The following DACH1 variants were observed in gnomAD, a reference collection of about 807,000 sequenced individuals.
The protein encoded by DACH1 is dachshund family transcription factor 1, also known as dachshund homolog 1.
Under a neutral mutation model 54.2 loss-of-function variants are expected in DACH1, and 12 were observed. That is an observed-to-expected ratio of 0.22 (90% confidence interval 0.14 to 0.36). The LOEUF is 0.36. Among genes scored for constraint, DACH1 ranks in the 10% least tolerant of loss-of-function variants. DACH1 has a pLI of 1.00. For missense variants in DACH1, 805 were observed against 929.8 expected, an observed-to-expected ratio of 0.87 and a Z score of 1.75; for synonymous variants, 386 against 366.2, an observed-to-expected ratio of 1.05 and a Z score of -0.62.
chr13:71,691,534 C>G (rs1178220030), intron 1 of DACH1, among the ~76,000 whole-genome samples: 2 of 151,434 alleles, frequency 1.3e-5, no homozygotes, highest in Admixed American at 6.6e-5. Flanking sequence ...CCATGGCAAT[C>G]TGGCTTCAGA....
chr13:71,832,408 C>A (rs1241733682), intron 1 of DACH1, among the ~76,000 whole-genome samples: 1 of 151,730 alleles, frequency 6.6e-6, no homozygotes, highest in Non-Finnish European at 1.5e-5. Flanking sequence ...TGCATGGGGC[C>A]TGCATAAACA....
intron 1 of DACH1, among the ~76,000 whole-genome samples, chr13:71,823,659 T>C (rs1028918789): frequency 2.0e-5 from 3 of 151,928 alleles, no homozygotes; most frequent in African/African-American, 7.2e-5. Flanking sequence ...GTAGATAAAA[T>C]TTATCTGTTT....
At chr13:71,793,024 A>T (rs1181127669) in intron 1 of DACH1, among the ~76,000 whole-genome samples, 1 of 152,160 alleles carries the variant, frequency 6.6e-6, no homozygotes, top group East Asian at 1.9e-4. Flanking sequence ...AGCCTCTTTC[A>T]ATTCAACTAA....
chr13:71,736,068 G>T (rs1884102314), intron 1 of DACH1, among the ~76,000 whole-genome samples: 1 of 152,160 alleles, frequency 6.6e-6, no homozygotes, highest in African/African-American at 2.4e-5. Context: ...AGAGAGTATG[G>T]AAAATGCCAG....
chr13:71,573,061 T>C, intron 3 of DACH1, 49 bp from the exon 4 acceptor site: 1 of 1,536,346 alleles, frequency 6.5e-7, no homozygotes, highest in Non-Finnish European at 8.8e-7. Context: ...ACATAAATCA[T>C]TAAAAATTGA....
chr13:71,838,639 T>G (rs893864816), intron 1 of DACH1, among the ~76,000 whole-genome samples: 1 of 152,172 alleles, frequency 6.6e-6, no homozygotes, highest in African/African-American at 2.4e-5. Flanking sequence ...AAAAGCAATT[T>G]TGAAGCAATT....
chr13:71,679,878 A>C (rs577423488), intron 2 of DACH1, among the ~76,000 whole-genome samples: 3 of 146,890 alleles, frequency 2.0e-5, no homozygotes, highest in Non-Finnish European at 3.0e-5. Flanking sequence ...CCTACTCCAG[A>C]GGCTAAGGCA....
intron 1 of DACH1, among the ~76,000 whole-genome samples, chr13:71,714,423 T>C (rs1882877481): frequency 6.6e-6 from 1 of 152,098 alleles, no homozygotes; most frequent in African/African-American, 2.4e-5. Flanking sequence ...TACAAAATAG[T>C]AAGAATCCTT....
At chr13:71,654,020 T>G (rs568013533) in intron 2 of DACH1, among the ~76,000 whole-genome samples, 1 of 152,308 alleles carries the variant, frequency 6.6e-6, no homozygotes, top group South Asian at 2.1e-4. Context: ...TATGTATGGG[T>G]GTGTGTATAA....
At chr13:71,446,802 T>C (rs556802637) in intron 10 of DACH1, among the ~76,000 whole-genome samples, 17 of 152,340 alleles carry the variant, frequency 1.1e-4, no homozygotes, top group Middle Eastern at 3.4e-3. Context: ...AAAGCCTCAA[T>C]TGGTCAAACT....
At chr13:71,813,903 T>C (rs1437920267) in intron 1 of DACH1, among the ~76,000 whole-genome samples, 1 of 152,142 alleles carries the variant, frequency 6.6e-6, no homozygotes, top group Non-Finnish European at 1.5e-5. Context: ...CAATGTGAAA[T>C]GCCAATTTGG....
chr13:71,485,392 A>G (rs1878399628), intron 7 of DACH1, among the ~76,000 whole-genome samples: 2 of 151,126 alleles, frequency 1.3e-5, no homozygotes, highest in East Asian at 1.9e-4. Flanking sequence ...AAAACACTCA[A>G]ATGTCAGGAA....
At chr13:71,579,009 C>T (rs188994969) in intron 3 of DACH1, among the ~76,000 whole-genome samples, 135 of 152,124 alleles carry the variant, frequency 8.9e-4, no homozygotes, top group African/African-American at 2.9e-3. Flanking sequence ...ATGTTACTTT[C>T]CCATAAATAA....
chr13:71,488,875 A>C (rs910004151), intron 7 of DACH1, 122 bp downstream of exon 7: 1 of 793,012 alleles, frequency 1.3e-6, no homozygotes, highest in Non-Finnish European at 1.9e-6. Flanking sequence ...TTGCTTGAAG[A>C]GTTTAATACC....
chr13:71,520,836 TA>T (rs1295758278), intron 6 of DACH1, among the ~76,000 whole-genome samples: 16 of 152,030 alleles, frequency 1.1e-4, no homozygotes, highest in Admixed American at 6.6e-4. Context: ...TTAATTCCAA[TA>T]ATATCATAGT....
Position 71,812,949 on chromosome 13 carries a change from T to C in DACH1, c.848+52973A>G, listed in dbSNP as rs77625659. Among the ~76,000 whole-genome samples, 13 of 152,302 alleles carry C rather than the reference T, an allele frequency of 8.5e-5. No homozygotes were observed. In the East Asian group the frequency reaches 2.1e-3, roughly 25 times the overall value. ...TGGGTCTGCCCCAAGCCCAGCTTTTTGCAAGATGTGAAAAGTCATCACTGC... is the reference window on the plus strand; with the variant it reads ...TGGGTCTGCCCCAAGCCCAGCTTTTCGCAAGATGTGAAAAGTCATCACTGC... On this transcript the variant is annotated intron_variant, in intron 1 of 10. Transcript: ENST00000613252.
intron 1 of DACH1, among the ~76,000 whole-genome samples, chr13:71,724,600 C>T (rs1883388029): frequency 6.6e-6 from 1 of 151,976 alleles, no homozygotes; most frequent in African/African-American, 2.4e-5. Context: ...TTTTTATACA[C>T]AGCAAAGTAG....
At chr13:71,837,331 T>C (rs769245379) in intron 1 of DACH1, among the ~76,000 whole-genome samples, 2 of 152,268 alleles carry the variant, frequency 1.3e-5, no homozygotes, top group South Asian at 2.1e-4. Context: ...CAATGGTAGA[T>C]AAAAGTATCT....
At position 71,866,044 on chromosome 13, in the gene DACH1, C is replaced by T. The variant is rs1874733525; in HGVS notation, c.726G>A (p.Val242=). Residue 242 remains valine (V), a synonymous_variant, in exon 1 of 11, where the codon GTG becomes GTA. Transcript: ENST00000613252. Reference sequence around the variant, plus strand: ...GGATGCGAACTTGTTCCACATTGCACACCACCGGCGTGATCTCCAGCCGCT... The same window carrying T: ...GGATGCGAACTTGTTCCACATTGCATACCACCGGCGTGATCTCCAGCCGCT... ...KLKRLEITPV[V]CNVEQVRILR... 1 of 1,613,668 alleles carries T rather than the reference C, an allele frequency of 6.2e-7. No homozygotes were observed. Among genetic ancestry groups the T allele is most frequent in the Admixed American group, 1.7e-5 (1 of 59,982 alleles).
Sources: allele counts gnomAD v4.1 joint callset (sites outside exome capture counted in the v4.1 genomes callset), GRCh38; gene constraint gnomAD v4.1.1; transcripts MANE v1.5; gene names NCBI Gene and HGNC (gene_info 2026-07-23, HGNC 2026-07-21).